LAMA2: variants seen among roughly 807,000 people sequenced by gnomAD.
The protein encoded by LAMA2 is laminin subunit alpha-2.
Under a neutral mutation model 364.8 loss-of-function variants are expected in LAMA2, and 269 were observed. That is an observed-to-expected ratio of 0.74 (90% CI 0.67 to 0.82). The LOEUF (loss-of-function observed/expected upper bound fraction) is 0.82, where lower values mean the gene tolerates loss of function less well. LAMA2 is among the 40% of genes least tolerant of loss of function. The pLI is 0.00. For synonymous variants in LAMA2, 1,379 were observed against 1,370.6 expected (o/e 1.01, Z -0.14); for missense variants, 3,807 against 3,873.2 (o/e 0.98, Z 0.45).
chr6:129,372,976 A>AT (rs1395324883), intron 34 of LAMA2, among the ~76,000 whole-genome samples: 2 of 151,442 alleles, frequency 1.3e-5, no homozygotes, highest in Non-Finnish European at 2.9e-5. Flanking sequence ...GTCTTTTTCC[A>AT]TTTTTTCATT....
chr6:129,315,836 T>C lies in LAMA2; in HGVS notation c.3810T>C (p.Tyr1270=). ...GGGAAGAAACAGGTTTCTCTACATA[T>C]AATCCTCAAGTGATCATTCGAGGTG... ...EAREETGFST[Y]NPQVIIRGGT... is the part of the protein sequence containing the mutation. The change falls in exon 26 of 65, where the codon TAT becomes TAC. Residue 1270 remains tyrosine (Y), a synonymous_variant. Transcript: ENST00000421865. The C allele has an allele frequency of 6.2e-7, 1 of 1,614,018 alleles. No homozygotes were observed. The highest frequency in any genetic ancestry group is 1.3e-5 in the African/African-American group (1 of 75,046).
At chr6:129,462,960 ATTG>A (rs1783334665) in intron 49 of LAMA2, among the ~76,000 whole-genome samples, 1 of 152,046 alleles carries the variant, frequency 6.6e-6, no homozygotes, top group Non-Finnish European at 1.5e-5. Flanking sequence ...AAGAGATAAA[ATTG>A]TTGTTATGCT....
chr6:129,006,521 A>G (rs918238851), intron 1 of LAMA2, among the ~76,000 whole-genome samples: 1 of 152,052 alleles, frequency 6.6e-6, no homozygotes, highest in Non-Finnish European at 1.5e-5. Flanking sequence ...CCACACCATG[A>G]GCCATACTGT....
At chr6:129,066,047 T>TTTTC in intron 3 of LAMA2, among the ~76,000 whole-genome samples, 1 of 81,948 alleles carries the variant, frequency 1.2e-5, no homozygotes, top group East Asian at 4.6e-4. Flanking sequence ...GGTTTTTTTT[T>TTTTC]TTTTTTTTTT....
intron 58 of LAMA2, among the ~76,000 whole-genome samples, chr6:129,498,162 A>C (rs1785337821): frequency 6.6e-6 from 1 of 152,248 alleles, no homozygotes; most frequent in African/African-American, 2.4e-5. Flanking sequence ...ATTTTATTGA[A>C]GAGTTCAGCC....
chr6:129,505,286 C>T lies in LAMA2; in HGVS notation c.8634C>T (p.Ile2878=), dbSNP rs201639153. The T allele has an allele frequency of 6.2e-7, 1 of 1,613,894 alleles. No homozygotes were observed. The highest frequency in any genetic ancestry group is 8.5e-7 in the Non-Finnish European group (1 of 1,179,808). Residue 2878 remains isoleucine, a synonymous_variant, in exon 61 of 65, where the codon ATC becomes ATT. Transcript: ENST00000421865. The part of the protein sequence containing the change: ...NRTISPKKAD[I]LDVVGMLYVG... ...CCATCAGTCCCAAAAAAGCCGACATCCTGGATGTCGTGGGAATGCTGTATG... is the reference window on the plus strand; with the variant it reads ...CCATCAGTCCCAAAAAAGCCGACATTCTGGATGTCGTGGGAATGCTGTATG...
chr6:129,205,493 T>TATATATATATATATATATATAC (rs1343472728), intron 12 of LAMA2, among the ~76,000 whole-genome samples: 54 of 104,240 alleles, frequency 5.2e-4, no homozygotes, highest in Middle Eastern at 4.6e-3. Flanking sequence ...TATATATATA[T>TATATATATATATATATATATAC]ACACACACAC....
At chr6:129,033,441 C>T (rs1786382698) in intron 1 of LAMA2, among the ~76,000 whole-genome samples, 1 of 152,136 alleles carries the variant, frequency 6.6e-6, no homozygotes, top group South Asian at 2.1e-4. Flanking sequence ...AGATGAGTCT[C>T]TTCTGATATT....
At position 129,147,049 on chromosome 6, in the gene LAMA2, G is replaced by A; in HGVS notation, c.909+1G>A. The A allele has an allele frequency of 6.3e-7, 1 of 1,587,110 alleles. No homozygotes were observed. Among genetic ancestry groups the A allele is most frequent in the Non-Finnish European group, 8.7e-7 (1 of 1,155,560 alleles). Reference sequence around the variant, plus strand: ...TTGTCCACTTGATCCAGCGACAAATGTATGTATATTTATAGGATGCTTAGG... The same window carrying A: ...TTGTCCACTTGATCCAGCGACAAATATATGTATATTTATAGGATGCTTAGG... On this transcript the variant is annotated splice_donor_variant, in intron 6 of 64. Transcript: ENST00000421865. LOFTEE classifies it high-confidence loss of function.
At chr6:129,239,116 A>C (rs1785219570) in intron 12 of LAMA2, among the ~76,000 whole-genome samples, 1 of 152,242 alleles carries the variant, frequency 6.6e-6, no homozygotes, top group Non-Finnish European at 1.5e-5. Flanking sequence ...AATGTCAAAT[A>C]CTATTCTAGA....
At chr6:129,298,004 C>G (rs942470571) in intron 21 of LAMA2, 139 bp downstream of exon 21, 26 of 784,330 alleles carry the variant, frequency 3.3e-5, no homozygotes, top group Non-Finnish European at 5.3e-5. Context: ...CTTATTTTTA[C>G]GTTACTTAAA....
chr6:129,293,757 G>A (rs987333398), intron 20 of LAMA2, among the ~76,000 whole-genome samples: 1 of 152,042 alleles, frequency 6.6e-6, no homozygotes, highest in Non-Finnish European at 1.5e-5. Flanking sequence ...GACCTGTAGA[G>A]AATTGAGGAT....
intron 1 of LAMA2, among the ~76,000 whole-genome samples, chr6:128,902,899 G>T (rs1204662793): frequency 6.6e-6 from 1 of 152,086 alleles, no homozygotes; most frequent in Non-Finnish European, 1.5e-5. Flanking sequence ...TTTTATCAAT[G>T]TGTTTAAAAT....
At chr6:129,259,098 A>G (rs557224509) in intron 14 of LAMA2, among the ~76,000 whole-genome samples, 3 of 152,210 alleles carry the variant, frequency 2.0e-5, no homozygotes, top group Non-Finnish European at 4.4e-5. Context: ...CTTCCTGATC[A>G]TATATGAGCT....
intron 29 of LAMA2, among the ~76,000 whole-genome samples, chr6:129,330,862 A>G (rs1239044739): frequency 1.9e-4 from 29 of 149,238 alleles, no homozygotes; most frequent in Non-Finnish European, 3.0e-5. Flanking sequence ...CATCTCCTCC[A>G]TACCTGCACC....
chr6:129,466,081 G>A (rs555877933), intron 51 of LAMA2, among the ~76,000 whole-genome samples: 7 of 151,940 alleles, frequency 4.6e-5, no homozygotes, highest in South Asian at 2.1e-4. Flanking sequence ...GAAAATTTAC[G>A]TTTAAATTTA....
chr6:129,279,687 G>C (rs565758513), intron 17 of LAMA2, among the ~76,000 whole-genome samples: 2 of 152,134 alleles, frequency 1.3e-5, no homozygotes, highest in African/African-American at 4.8e-5. Flanking sequence ...TCTCCAGGCT[G>C]CTTCAAATTC....
intron 10 of LAMA2, among the ~76,000 whole-genome samples, chr6:129,183,198 C>G (rs1459416075): frequency 6.6e-6 from 1 of 151,932 alleles, no homozygotes. Flanking sequence ...AAGTCATTGA[C>G]TATAAGTGCT....
chr6:128,990,976 G>A (rs139388763), intron 1 of LAMA2, among the ~76,000 whole-genome samples: 5 of 152,166 alleles, frequency 3.3e-5, no homozygotes, highest in East Asian at 1.9e-4. Context: ...TGATTATAAC[G>A]GGGGAAATTC....
Sources: gnomAD v4.1 joint callset for allele counts (sites outside exome capture counted in the v4.1 genomes callset) on GRCh38, gnomAD v4.1.1 for gene constraint, MANE v1.5 for transcripts, NCBI Gene and HGNC (gene_info 2026-07-23, HGNC 2026-07-21) for gene names.